The following TFIP11 variants were observed in gnomAD, a reference collection of about 807,000 sequenced individuals.
The protein encoded by TFIP11 is tuftelin interacting protein 11.
A neutral mutation model predicts 96.8 loss-of-function variants in TFIP11; 86 were observed. The observed-to-expected ratio is 0.89, with a 90% CI of 0.75 to 1.06. TFIP11 has a LOEUF of 1.06. Ranked by LOEUF, TFIP11 falls within the 50% of genes least tolerant of loss-of-function variation. The probability of loss-of-function intolerance (pLI) is 0.00; values close to 1 mark genes in which losing one functional copy is unlikely to be tolerated. For missense variants in TFIP11, 881 were observed against 1,076.7 expected (o/e 0.82, Z 2.54); for synonymous variants, 405 against 395.2 (o/e 1.02, Z -0.29).
At chr22:26,501,856 T>G in intron 8 of TFIP11, 44 bp downstream of exon 8, 1 of 1,545,350 alleles carries the variant, frequency 6.5e-7, no homozygotes. Flanking sequence ...AGTGATTATT[T>G]CTGGGGTGTG....
intron 6 of TFIP11, among the ~76,000 whole-genome samples, chr22:26,504,341 A>G (rs1948005581): frequency 6.6e-6 from 1 of 152,176 alleles, no homozygotes; most frequent in African/African-American, 2.4e-5. Context: ...CAACATTTCA[A>G]TGAAGACGTT....
intron 8 of TFIP11, among the ~76,000 whole-genome samples, chr22:26,500,946 C>G (rs1049547238): frequency 2.1e-5 from 3 of 143,464 alleles, no homozygotes. Context: ...TGCAGTGGCA[C>G]GATTTCCGCT....
chr22:26,495,568 A>G (rs1358383226), intron 12 of TFIP11, among the ~76,000 whole-genome samples: 31 of 57,230 alleles, frequency 5.4e-4, no homozygotes, highest in African/African-American at 1.4e-3. Context: ...ATATACACAT[A>G]TATATATGTG....
Position 26,499,298 on chromosome 22 carries a change from T to C in TFIP11, c.1135A>G (p.Met379Val), listed in dbSNP as rs1922465284. 5 of 1,613,692 alleles carry C rather than the reference T, an allele frequency of 3.1e-6. No homozygotes were observed. The highest frequency in any genetic ancestry group is 1.7e-5 in the Admixed American group (1 of 59,996). Residue 379 changes from methionine to valine, a missense_variant, in exon 9 of 15, where the codon ATG becomes GTG. By Grantham distance (21) the Met-to-Val change is conservative. Transcript: ENST00000407690. ...VISNLSKVLE[M>V]VEECERRMQP... is the part of the protein sequence containing the mutation. ...ATCCGCCGCTCGCACTCCTCCACCATCTCCAGGACCTTGCTGAGGTTCGAG... is the reference window on the plus strand; with the variant it reads ...ATCCGCCGCTCGCACTCCTCCACCACCTCCAGGACCTTGCTGAGGTTCGAG...
intron 6 of TFIP11, among the ~76,000 whole-genome samples, chr22:26,504,359 C>T (rs1923158855): frequency 6.6e-6 from 1 of 152,158 alleles, no homozygotes; most frequent in Non-Finnish European, 1.5e-5. Context: ...GTTCCCCTGA[C>T]TCCAAATTTT....
chr22:26,506,483 T>A (rs767048663), intron 5 of TFIP11, 24 bp from the exon 6 acceptor site: 1 of 1,584,300 alleles, frequency 6.3e-7, no homozygotes, highest in South Asian at 1.2e-5. Flanking sequence ...AAATCAAAGC[T>A]TAGTTAATGG....
In TFIP11 at chr22:26,499,321, G is replaced by A. The variant is rs776791220; in HGVS notation, c.1112C>T (p.Ser371Leu). 1.5e-5 allele frequency: 24 copies of A among 1,614,138 alleles called. No homozygotes were observed. In the Admixed American group the frequency reaches 2.5e-4, roughly 17 times the overall value. The change falls in exon 9 of 15, where the codon TCG becomes TTG. Residue 371 changes from serine to leucine, a missense_variant. By Grantham distance (145) the Ser-to-Leu change is moderately radical. Coordinates refer to ENST00000407690, the MANE Select transcript of TFIP11 (RefSeq NM_012143.4). ...EVLDHEERVI[S>L]NLSKVLEMVE... ...CATCTCCAGGACCTTGCTGAGGTTC[G>A]AGATGACCCGCTCCTCGTGGTCCAG...
At chr22:26,493,914 C>A in intron 14 of TFIP11, 2 of 521,584 alleles carry the variant, frequency 3.8e-6, no homozygotes, top group Non-Finnish European at 6.9e-6. Flanking sequence ...TTAAGTCAGT[C>A]TCCACTCAGG....
Position 26,504,573 on chromosome 22 carries a change from T to C in TFIP11, c.521-780A>G, listed in dbSNP as rs564108206. ...AGAGTGTGCCTGTGGTCCCAGCTAC[T>C]TGGCAGGGTTGAGCCCAGGAGGTTG... On this transcript the variant is annotated intron_variant, in intron 6 of 14. Transcript: ENST00000407690. Among the ~76,000 whole-genome samples the C allele has an allele frequency of 2.6e-4, 40 of 152,024 alleles. 1 individual carries two copies. Among genetic ancestry groups the C allele is most frequent in the African/African-American group, 8.9e-4 (37 of 41,432 alleles).
At chr22:26,510,753 T>G (rs1308982447) in intron 2 of TFIP11, 51 bp from the exon 3 acceptor site, 2 of 155,302 alleles carry the variant, frequency 1.3e-5, no homozygotes, top group Non-Finnish European at 2.9e-5. Context: ...CATTACTTGA[T>G]GAAACAAAAT....
intron 7 of TFIP11, among the ~76,000 whole-genome samples, chr22:26,503,026 C>G (rs577362998): frequency 1.8e-4 from 28 of 152,312 alleles, no homozygotes; most frequent in South Asian, 1.7e-3. Context: ...ATCCTGCTTT[C>G]CCCCATAAAT....
chr22:26,510,044 GC>G lies in TFIP11; in HGVS notation c.209+19del, dbSNP rs759027818. 5.9e-5 allele frequency: 95 copies of G among 1,611,090 alleles called. No individual in the cohort carries two copies. The highest frequency in any genetic ancestry group is 7.1e-5 in the Non-Finnish European group (84 of 1,178,910). The stretch of plus-strand genomic sequence containing the variant: ...CTCTTCCCTAAAGCAAGGTGAAGCA[GC>G]CCCCATGCCAGGCAATACCGTTTGC... On this transcript the variant is annotated intron_variant, in intron 4 of 14. Coordinates refer to ENST00000407690, the MANE Select transcript of TFIP11 (RefSeq NM_012143.4).
chr22:26,491,560 T>C lies in TFIP11; in HGVS notation c.*453A>G. The C allele has an allele frequency of 1.2e-6, 2 of 1,614,158 alleles. No individual in the cohort carries two copies. Among genetic ancestry groups the C allele is most frequent in the Non-Finnish European group, 1.7e-6 (2 of 1,179,990 alleles). ...GTCCACTGGTTCCCTGTGCAAAAGCTAGAACAGCTCTCCATAGATATTTGG... is the reference window on the plus strand; with the variant it reads ...GTCCACTGGTTCCCTGTGCAAAAGCCAGAACAGCTCTCCATAGATATTTGG... On this transcript the variant is annotated 3_prime_UTR_variant, in exon 15 of 15. Transcript: ENST00000407690.
intron 4 of TFIP11, among the ~76,000 whole-genome samples, chr22:26,509,235 G>C (rs1237403489): frequency 6.6e-6 from 1 of 152,000 alleles, no homozygotes; most frequent in Non-Finnish European, 1.5e-5. Context: ...TCATATCCTT[G>C]TGGATACCGT....
rs756655665 is a variant in TFIP11, at chr22:26,499,279, C to T, written c.1154G>A (p.Arg385Gln). Reference protein sequence around the residue: ...KVLEMVEECERRMQPDCSNPL... With the variant: ...KVLEMVEECEQRMQPDCSNPL... Reference sequence around the variant, plus strand: ...GTTGCTGCAGTCGGGCTGCATCCGCCGCTCGCACTCCTCCACCATCTCCAG... The same window carrying T: ...GTTGCTGCAGTCGGGCTGCATCCGCTGCTCGCACTCCTCCACCATCTCCAG... Residue 385 changes from arginine (R) to glutamine (Q), a missense_variant, in exon 9 of 15, where the codon CGG (arginine) becomes CAG (glutamine). Physicochemically the swap from Arg to Gln is conservative, Grantham distance 43 (BLOSUM62 1). Transcript: ENST00000407690. The T allele has an allele frequency of 8.7e-6, 14 of 1,613,716 alleles. No homozygotes were observed. The highest frequency in any genetic ancestry group is 2.2e-5 in the South Asian group (2 of 91,042).
chr22:26,511,227 T>A (rs184628077), intron 2 of TFIP11: 1 of 152,430 alleles, frequency 6.6e-6, no homozygotes, highest in East Asian at 1.9e-4. Flanking sequence ...GCAGGAAGCA[T>A]CCAGCACAGG....
rs1921620632 is a variant in TFIP11, at chr22:26,494,170, A to G, written c.2127T>C (p.Asp709=). ...TGGAGGACACCGCCCGGTTCATGAT[A>G]TCAAGTGCCTCATTAAATTTGTCCT... The part of the protein sequence containing the change: ...SVKDKFNEAL[D]IMNRAVSSNV... Residue 709 remains aspartate (D), a synonymous_variant, in exon 14 of 15, where the codon GAT becomes GAC. Transcript: ENST00000407690. 2 of 1,614,234 alleles carry G rather than the reference A, an allele frequency of 1.2e-6. No individual in the cohort carries two copies. Among genetic ancestry groups the G allele is most frequent in the Non-Finnish European group, 1.7e-6 (2 of 1,180,036 alleles).
chr22:26,497,805 G>A (rs1922245713), intron 10 of TFIP11, among the ~76,000 whole-genome samples: 2 of 151,350 alleles, frequency 1.3e-5, no homozygotes, highest in Admixed American at 6.6e-5. Context: ...GAACCCGGGA[G>A]GCAGAGGTTG....
In TFIP11 at chr22:26,510,282, C is replaced by T; in HGVS notation, c.-9-1G>A. 1 of 1,614,046 alleles carries T rather than the reference C, an allele frequency of 6.2e-7. No individual in the cohort carries two copies. The highest frequency in any genetic ancestry group is 1.1e-5 in the South Asian group (1 of 91,078). On this transcript the variant is annotated splice_acceptor_variant, in intron 3 of 14. Coordinates refer to ENST00000407690, the MANE Select transcript of TFIP11 (RefSeq NM_012143.4). LOFTEE classifies it low-confidence loss of function (5UTR_SPLICE). The stretch of plus-strand genomic sequence containing the variant: ...AGTGGGACAATGACATGGCCAGTCA[C>T]TAAAGGAAGAGACAAAAAGAGCACA...
Sources: gnomAD v4.1 joint callset for allele counts (sites outside exome capture counted in the v4.1 genomes callset) on GRCh38, gnomAD v4.1.1 for gene constraint, MANE v1.5 for transcripts, NCBI Gene and HGNC (gene_info 2026-07-23, HGNC 2026-07-21) for gene names.